Variants in ARHGAP15 observed in about 807,000 individuals in gnomAD.
ARHGAP15 encodes Rho GTPase activating protein 15, also known as rho GTPase-activating protein 15.
In ARHGAP15, 51 loss-of-function variants were observed where a neutral mutation model predicts 63.7. The ratio of observed to expected loss-of-function variants is 0.80; its 90% CI spans 0.64 to 1.01. The LOEUF (loss-of-function observed/expected upper bound fraction) is 1.01, where lower values mean the gene tolerates loss of function less well. Ranked by LOEUF, ARHGAP15 falls within the 50% of genes least tolerant of loss-of-function variation. The pLI is 0.00. For missense variants in ARHGAP15, 560 were observed against 564.6 expected (o/e 0.99, Z 0.08); for synonymous variants, 191 against 193.8 (o/e 0.99, Z 0.12).
chr2:143,413,820 C>A lies in ARHGAP15; in HGVS notation c.475-21781C>A, dbSNP rs748803711. ...GAATGCCTCAGGAGAAGAAGCAAGA[C>A]CAAACTGTGAGCTCATCTGTCCAGG... On this transcript the variant is annotated intron_variant, in intron 6 of 13. Coordinates refer to ENST00000295095, the MANE Select transcript of ARHGAP15 (RefSeq NM_018460.4). Among the ~76,000 whole-genome samples, 3 of 152,002 alleles carry A rather than the reference C, an allele frequency of 2.0e-5. No homozygotes were observed. The East Asian group carries it at 5.8e-4, about 29-fold the overall frequency.
intron 8 of ARHGAP15, among the ~76,000 whole-genome samples, chr2:143,475,175 T>C (rs1341297183): frequency 1.3e-5 from 2 of 152,236 alleles, no homozygotes; most frequent in African/African-American, 2.4e-5. Context: ...ATTATGATTA[T>C]TGCAATAGAG....
At chr2:143,143,511 T>G (rs1156522463) in intron 1 of ARHGAP15, among the ~76,000 whole-genome samples, 2 of 151,832 alleles carry the variant, frequency 1.3e-5, no homozygotes, top group Non-Finnish European at 2.9e-5. Flanking sequence ...TTTTGTGGAT[T>G]TTTTTTTCTC....
At chr2:143,493,932 G>A (rs1411199150) in intron 9 of ARHGAP15, among the ~76,000 whole-genome samples, 1 of 152,156 alleles carries the variant, frequency 6.6e-6, no homozygotes, top group East Asian at 1.9e-4. Flanking sequence ...ACACTGAGTT[G>A]CAGATTCCGC....
At chr2:143,391,300 A>G (rs1256565358) in intron 6 of ARHGAP15, among the ~76,000 whole-genome samples, 1 of 152,216 alleles carries the variant, frequency 6.6e-6, no homozygotes, top group Non-Finnish European at 1.5e-5. Context: ...TTCCTCACAG[A>G]TTACAGAATA....
At chr2:143,584,914 A>C (rs1171244120) in intron 11 of ARHGAP15, among the ~76,000 whole-genome samples, 1 of 152,192 alleles carries the variant, frequency 6.6e-6, no homozygotes, top group Non-Finnish European at 1.5e-5. Flanking sequence ...AAATTGGCTC[A>C]AATGATTTAT....
At chr2:143,608,958 C>T (rs908681056) in intron 11 of ARHGAP15, among the ~76,000 whole-genome samples, 2 of 152,170 alleles carry the variant, frequency 1.3e-5, no homozygotes, top group East Asian at 3.9e-4. Context: ...CAGATGCTAT[C>T]TTTCTTGTCA....
chr2:143,241,926 G>A (rs1693877498), intron 5 of ARHGAP15, among the ~76,000 whole-genome samples: 1 of 152,218 alleles, frequency 6.6e-6, no homozygotes, highest in Non-Finnish European at 1.5e-5. Context: ...GAGACGGAGA[G>A]AAAAGGGTCT....
chr2:143,283,223 A>C (rs1226307713), intron 6 of ARHGAP15, among the ~76,000 whole-genome samples: 1 of 152,178 alleles, frequency 6.6e-6, no homozygotes, highest in Non-Finnish European at 1.5e-5. Context: ...GCAAGAGATC[A>C]ATAATGTCAC....
intron 11 of ARHGAP15, chr2:143,598,108 G>A (rs1318210108): frequency 6.6e-6 from 1 of 152,086 alleles, no homozygotes; most frequent in East Asian, 1.9e-4. Flanking sequence ...AATTTTACAG[G>A]ACACATACAG....
chr2:143,314,045 A>G (rs1398280211), intron 6 of ARHGAP15, among the ~76,000 whole-genome samples: 1 of 151,208 alleles, frequency 6.6e-6, no homozygotes. Context: ...ATGCTACTCT[A>G]GAAAGCACAT....
intron 5 of ARHGAP15, among the ~76,000 whole-genome samples, chr2:143,232,786 A>C (rs1693497350): frequency 1.3e-5 from 2 of 152,140 alleles, no homozygotes; most frequent in Admixed American, 6.6e-5. Flanking sequence ...TAAAAATATA[A>C]TTTAGGTGTT....
rs13022178 is a variant in ARHGAP15 at position 143,655,870 on chromosome 2, G to C, written c.1138+31603G>C. Among the ~76,000 whole-genome samples, 666 of 152,136 alleles carry C rather than the reference G, an allele frequency of 4.4e-3. 8 individuals carry two copies. The highest frequency in any genetic ancestry group is 7.4e-3 in the Non-Finnish European group (501 of 68,004). The stretch of plus-strand genomic sequence containing the variant: ...TCCAAAAGGAGAACAAGACAACTCA[G>C]CATTCGGTACGTCCATTTTCCAGAT... On this transcript the variant is annotated intron_variant, in intron 12 of 13. Transcript: ENST00000295095.
At position 143,435,606 on chromosome 2, in the gene ARHGAP15, A is replaced by G. The variant is rs750196219; in HGVS notation, c.480A>G (p.Thr160=). ...KSSRKNVFQI[T]TVSGNEFLLQ... is the part of the protein sequence containing the mutation. ...TCTTTTTTTTTTTTTTGCAGATCAC[A>G]ACAGTATCAGGAAATGAGTTCCTTC... is the stretch of plus-strand genomic sequence containing the variant. The change falls in exon 7 of 14, where the codon ACA becomes ACG. Residue 160 remains threonine, a synonymous_variant. Coordinates refer to ENST00000295095, the MANE Select transcript of ARHGAP15 (RefSeq NM_018460.4). The G allele has an allele frequency of 6.4e-7, 1 of 1,572,084 alleles. No homozygotes were observed. Among genetic ancestry groups the G allele is most frequent in the Admixed American group, 1.9e-5 (1 of 52,588 alleles).
chr2:143,393,030 T>A (rs1247504801), intron 6 of ARHGAP15, among the ~76,000 whole-genome samples: 1 of 152,102 alleles, frequency 6.6e-6, no homozygotes, highest in South Asian at 2.1e-4. Context: ...CATCTTAGCT[T>A]TTTCCCCTCT....
At chr2:143,524,021 G>A (rs893061909) in intron 10 of ARHGAP15, among the ~76,000 whole-genome samples, 5 of 152,092 alleles carry the variant, frequency 3.3e-5, no homozygotes, top group Non-Finnish European at 5.9e-5. Flanking sequence ...TGCCCTTTCT[G>A]TCTTTTTTCT....
chr2:143,641,947 G>A (rs1474264587), intron 12 of ARHGAP15, among the ~76,000 whole-genome samples: 1 of 152,002 alleles, frequency 6.6e-6, no homozygotes, highest in East Asian at 1.9e-4. Flanking sequence ...AAATGTAGAA[G>A]TATGTGTACA....
chr2:143,743,836 T>C (rs1051027103), intron 13 of ARHGAP15, among the ~76,000 whole-genome samples: 3 of 150,206 alleles, frequency 2.0e-5, no homozygotes, highest in African/African-American at 7.3e-5. Flanking sequence ...AGAAAGAAAA[T>C]AAAGTCCTTA....
chr2:143,419,976 A>G (rs1386093509), intron 6 of ARHGAP15, among the ~76,000 whole-genome samples: 1 of 152,162 alleles, frequency 6.6e-6, no homozygotes, highest in East Asian at 1.9e-4. Context: ...TTAAAATTCC[A>G]GACCTTAGAC....
At chr2:143,449,833 T>C (rs1690322046) in intron 8 of ARHGAP15, among the ~76,000 whole-genome samples, 1 of 152,024 alleles carries the variant, frequency 6.6e-6, no homozygotes, top group Non-Finnish European at 1.5e-5. Context: ...TTTTTAATTA[T>C]AGGAAATGGA....
Sources: gnomAD v4.1 joint callset for allele counts (sites outside exome capture counted in the v4.1 genomes callset) on GRCh38, gnomAD v4.1.1 for gene constraint, MANE v1.5 for transcripts, NCBI Gene and HGNC (gene_info 2026-07-23, HGNC 2026-07-21) for gene names.